CNTN1: variants seen among roughly 807,000 people sequenced by gnomAD.
CNTN1 encodes the protein contactin 1.
A neutral mutation model predicts 126.4 loss-of-function variants in CNTN1; 38 were observed. The ratio of observed to expected loss-of-function variants is 0.30; its 90% CI spans 0.23 to 0.39. The LOEUF (loss-of-function observed/expected upper bound fraction) is 0.39. Ranked by LOEUF, CNTN1 falls within the 10% of genes least tolerant of loss-of-function variation. CNTN1 has a pLI of 1.00. For synonymous variants in CNTN1, 413 were observed against 422.6 expected (o/e 0.98, Z 0.28); for missense variants, 1,009 against 1,248.4 (o/e 0.81, Z 2.89).
At chr12:40,721,197 T>C (rs937215798) in intron 1 of CNTN1, among the ~76,000 whole-genome samples, 33 of 152,244 alleles carry the variant, frequency 2.2e-4, no homozygotes, top group African/African-American at 7.9e-4. Flanking sequence ...GATACTTACA[T>C]AAAGGATATA....
chr12:40,707,074 AC>A (rs1941773744), intron 1 of CNTN1, among the ~76,000 whole-genome samples: 1 of 148,532 alleles, frequency 6.7e-6, no homozygotes, highest in African/African-American at 2.5e-5. Flanking sequence ...ACACACACAC[AC>A]ACACACACAC....
chr12:40,870,906 T>C (rs977349185), intron 1 of CNTN1, among the ~76,000 whole-genome samples: 2 of 152,096 alleles, frequency 1.3e-5, no homozygotes, highest in Non-Finnish European at 2.9e-5. Flanking sequence ...TCTTGTGTTA[T>C]ATAGAGTTAG....
intron 1 of CNTN1, among the ~76,000 whole-genome samples, chr12:40,833,811 A>G (rs554047099): frequency 6.6e-6 from 1 of 152,340 alleles, no homozygotes; most frequent in South Asian, 2.1e-4. Context: ...GTAGTATGTC[A>G]TATCTACTGC....
intron 1 of CNTN1, among the ~76,000 whole-genome samples, chr12:40,693,450 C>G (rs1203814601): frequency 1.3e-5 from 2 of 152,168 alleles, no homozygotes; most frequent in Non-Finnish European, 1.5e-5. Flanking sequence ...GGCCCAGTGC[C>G]GGTTCCTGCA....
At chr12:40,782,103 A>G (rs1939826601) in intron 1 of CNTN1, among the ~76,000 whole-genome samples, 1 of 152,004 alleles carries the variant, frequency 6.6e-6, no homozygotes, top group South Asian at 2.1e-4. Flanking sequence ...GAGTGAAACC[A>G]TCCCCTATTA....
At chr12:40,768,104 A>C (rs2136427957) in intron 1 of CNTN1, among the ~76,000 whole-genome samples, 1 of 152,358 alleles carries the variant, frequency 6.6e-6, no homozygotes, top group South Asian at 2.1e-4. Context: ...AACGTTACTC[A>C]TATTCTCGAT....
intron 1 of CNTN1, among the ~76,000 whole-genome samples, chr12:40,782,495 TTAAC>T (rs1939842337): frequency 6.6e-6 from 1 of 151,966 alleles, no homozygotes; most frequent in South Asian, 2.1e-4. Context: ...AATCTTCTAG[TTAAC>T]TAACTATAAT....
intron 1 of CNTN1, among the ~76,000 whole-genome samples, chr12:40,695,778 T>C (rs1941435210): frequency 6.6e-6 from 1 of 152,204 alleles, no homozygotes; most frequent in South Asian, 2.1e-4. Flanking sequence ...TTTCTAACTT[T>C]CCTTTCTTTG....
At chr12:40,773,545 G>A (rs1376914800) in intron 1 of CNTN1, among the ~76,000 whole-genome samples, 2 of 150,042 alleles carry the variant, frequency 1.3e-5, no homozygotes, top group Admixed American at 6.7e-5. Context: ...AGAGACTTCC[G>A]AAAACAAAAC....
intron 12 of CNTN1, 137 bp downstream of exon 12, chr12:40,939,622 A>G (rs536910150): frequency 1.1e-6 from 1 of 878,184 alleles, no homozygotes; most frequent in South Asian, 1.5e-5. Context: ...TGTAGTTCTA[A>G]GATGGACAGA....
At chr12:40,828,016 C>A (rs1045102344) in intron 1 of CNTN1, 1 of 152,010 alleles carries the variant, frequency 6.6e-6, no homozygotes, top group African/African-American at 2.4e-5. Flanking sequence ...CTCGGGCCAG[C>A]CGAATTTGGA....
chr12:41,042,975 T>C (rs1245876910), intron 23 of CNTN1, among the ~76,000 whole-genome samples: 6 of 152,098 alleles, frequency 3.9e-5, no homozygotes, highest in South Asian at 4.1e-4. Flanking sequence ...GGATCCCTTC[T>C]TTACACCTTA....
chr12:41,058,521 T>C (rs1949873078), intron 23 of CNTN1, among the ~76,000 whole-genome samples: 1 of 152,162 alleles, frequency 6.6e-6, no homozygotes, highest in East Asian at 1.9e-4. Context: ...TCCAAATGGT[T>C]AGAAAGAAGT....
At chr12:40,939,002 C>T (rs1222084297) in intron 11 of CNTN1, among the ~76,000 whole-genome samples, 1 of 152,040 alleles carries the variant, frequency 6.6e-6, no homozygotes, top group African/African-American at 2.4e-5. Flanking sequence ...TCTCAAACTC[C>T]TGGGTAAGCC....
chr12:41,007,753 G>A (rs559690745), intron 17 of CNTN1, among the ~76,000 whole-genome samples: 113 of 152,264 alleles, frequency 7.4e-4, no homozygotes, highest in Non-Finnish European at 1.3e-3. Context: ...CAGTTGACTG[G>A]TGCCATCTTC....
intron 1 of CNTN1, among the ~76,000 whole-genome samples, chr12:40,798,582 C>T (rs771891079): frequency 1.3e-5 from 2 of 151,858 alleles, no homozygotes; most frequent in Admixed American, 6.6e-5. Context: ...AGATCATATC[C>T]TTTGCAGGGA....
At chr12:41,005,126 T>G (rs765936124) in intron 17 of CNTN1, 4 of 152,202 alleles carry the variant, frequency 2.6e-5, no homozygotes, top group Non-Finnish European at 5.9e-5. Context: ...GCAGGTCTGG[T>G]GGTAATAAAT....
chr12:41,020,450 A>T lies in CNTN1; in HGVS notation c.2523+10A>T. 6.6e-7 allele frequency: 1 copy of T among 1,524,326 alleles called. No homozygotes were observed. The highest frequency in any genetic ancestry group is 9.1e-7 in the Non-Finnish European group (1 of 1,099,564). 94.4% of individuals were successfully genotyped at this position (1,524,326 alleles called of 1,614,324 possible). On this transcript the variant is annotated intron_variant, in intron 20 of 23. Coordinates refer to ENST00000551295, the MANE Select transcript of CNTN1 (RefSeq NM_001843.4). Reference sequence around the variant, plus strand: ...AGTGGAAAGCTATCAGGTACGTTAAATTTTTATCAAACTAAATACATTTAT... The same window carrying T: ...AGTGGAAAGCTATCAGGTACGTTAATTTTTTATCAAACTAAATACATTTAT...
intron 7 of CNTN1, among the ~76,000 whole-genome samples, chr12:40,931,042 C>T: frequency 6.6e-6 from 1 of 151,802 alleles, no homozygotes; most frequent in Admixed American, 6.6e-5. Flanking sequence ...AAATATTTCT[C>T]CCCTCGCTCA....
Sources: gnomAD v4.1 joint callset for allele counts (sites outside exome capture counted in the v4.1 genomes callset) on GRCh38, gnomAD v4.1.1 for gene constraint, MANE v1.5 for transcripts, NCBI Gene and HGNC (gene_info 2026-07-23, HGNC 2026-07-21) for gene names.